Variants in SFRP1 observed in about 807,000 individuals in gnomAD.
SFRP1 encodes the protein secreted frizzled-related protein 1.
Under a neutral mutation model 25.9 loss-of-function variants are expected in SFRP1, and 9 were observed. That is an observed-to-expected ratio of 0.35 (90% CI 0.21 to 0.61). The LOEUF is 0.61. SFRP1 is among the 20% of genes least tolerant of loss of function. The pLI, the probability that SFRP1 is intolerant of heterozygous loss-of-function variation, is 0.78. For synonymous variants in SFRP1, 178 were observed against 174.0 expected, an observed-to-expected ratio of 1.02 and a Z score of -0.18; for missense variants, 346 against 418.2, an observed-to-expected ratio of 0.83 and a Z score of 1.51.
intron 2 of SFRP1, chr8:41,275,467 T>C (rs1803560567): frequency 9.6e-6 from 2 of 208,784 alleles, no homozygotes; most frequent in South Asian, 1.1e-4. Flanking sequence ...ACAAGAGAAG[T>C]AGAGGGCAAG....
intron 1 of SFRP1, among the ~76,000 whole-genome samples, chr8:41,304,613 C>T (rs1803970343): frequency 6.6e-6 from 1 of 152,180 alleles, no homozygotes; most frequent in South Asian, 2.1e-4. Context: ...TTGGAGCCCA[C>T]TGCTCTTCAT....
intron 2 of SFRP1, among the ~76,000 whole-genome samples, chr8:41,293,577 G>C (rs957183179): frequency 6.6e-5 from 10 of 152,062 alleles, no homozygotes; most frequent in Admixed American, 3.9e-4. Context: ...CTGACAGTTA[G>C]ATCCTCATCT....
At chr8:41,274,173 C>A (rs1456356313) in intron 2 of SFRP1, among the ~76,000 whole-genome samples, 1 of 152,202 alleles carries the variant, frequency 6.6e-6, no homozygotes, top group East Asian at 1.9e-4. Flanking sequence ...TCCTGTGAAC[C>A]AATGCCCCTA....
intron 2 of SFRP1, among the ~76,000 whole-genome samples, chr8:41,294,817 C>A (rs907745883): frequency 2.0e-5 from 3 of 152,042 alleles, no homozygotes; most frequent in Non-Finnish European, 2.9e-5. Flanking sequence ...ACCCCAAAAG[C>A]CCACACAGAC....
chr8:41,309,389 C>T lies in SFRP1; in HGVS notation c.-230G>A. The T allele has an allele frequency of 4.2e-6, 1 of 238,596 alleles. No homozygotes were observed. Among genetic ancestry groups the T allele is most frequent in the Non-Finnish European group, 7.3e-6 (1 of 136,696 alleles). 14.8% of individuals were successfully genotyped at this position (238,596 alleles called of 1,614,324 possible). A position where few individuals can be genotyped will look rare whatever the true frequency, so the allele number is the denominator to read the frequency against. ...GCGGCGCTGCGGGCTGGGTGCGCCC[C>T]GGCTCCCGGAGGTGCGGCGAGCAGG... On this transcript the variant is annotated 5_prime_UTR_variant, in exon 1 of 3. Transcript: ENST00000220772.
At chr8:41,286,599 T>C (rs184608563) in intron 2 of SFRP1, among the ~76,000 whole-genome samples, 69 of 152,192 alleles carry the variant, frequency 4.5e-4, no homozygotes, top group African/African-American at 1.6e-3. Context: ...TCACAGCCAC[T>C]AGAATGCTCC....
At chr8:41,279,987 A>G (rs1803614883) in intron 2 of SFRP1, among the ~76,000 whole-genome samples, 1 of 152,086 alleles carries the variant, frequency 6.6e-6, no homozygotes, top group African/African-American at 2.4e-5. Context: ...TCTAGGCTTT[A>G]TGTCAATAGC....
At chr8:41,288,663 A>T (rs1803739307) in intron 2 of SFRP1, among the ~76,000 whole-genome samples, 1 of 152,002 alleles carries the variant, frequency 6.6e-6, no homozygotes, top group South Asian at 2.1e-4. Context: ...TCATTTGGCA[A>T]ATGAGAAAAC....
At chr8:41,275,417 G>T in intron 2 of SFRP1, 1 of 237,152 alleles carries the variant, frequency 4.2e-6, no homozygotes, top group South Asian at 3.9e-5. Context: ...TCCCTAAATT[G>T]CTTTCTTTTT....
At position 41,303,466 on chromosome 8, in the gene SFRP1, T is replaced by A; in HGVS notation, c.617A>T (p.Glu206Val). 23 of 1,613,410 alleles carry A rather than the reference T, an allele frequency of 1.4e-5. No homozygotes were observed. The highest frequency in any genetic ancestry group is 1.9e-5 in the Non-Finnish European group (23 of 1,179,622). Residue 206 changes from glutamate (E) to valine (V), a missense_variant, in exon 2 of 3, where the codon GAG becomes GTG. By Grantham distance (121) the Glu-to-Val change is moderately radical (BLOSUM62 -2). Coordinates refer to ENST00000220772, the MANE Select transcript of SFRP1 (RefSeq NM_003012.5). ...EAIIEHLCAS[E>V]FALRMKIKEV... ...AGCTAGAAACGCTTTCTTACCAAAC[T>A]CGCTGGCACAGAGATGTTCAATGAT...
At chr8:41,279,119 T>C (rs1202812939) in intron 2 of SFRP1, among the ~76,000 whole-genome samples, 1 of 152,050 alleles carries the variant, frequency 6.6e-6, no homozygotes, top group Non-Finnish European at 1.5e-5. Context: ...TGTGAGCTCA[T>C]GTAGGACATG....
intron 2 of SFRP1, among the ~76,000 whole-genome samples, chr8:41,299,402 A>G (rs188483824): frequency 6.7e-6 from 1 of 150,046 alleles, no homozygotes; most frequent in Admixed American, 6.7e-5. Flanking sequence ...ACATGTATAC[A>G]TGTATATGCT....
In SFRP1 at chr8:41,295,552, C is replaced by T. The variant is rs78286145; in HGVS notation, c.622+7909G>A. Reference sequence around the variant, plus strand: ...CTCAAAAAAAAAAAAAAATTCACTACAGTACCTTCCCTGGAAAGACCTGGA... The same window carrying T: ...CTCAAAAAAAAAAAAAAATTCACTATAGTACCTTCCCTGGAAAGACCTGGA... On this transcript the variant is annotated intron_variant, in intron 2 of 2. Transcript: ENST00000220772. Among the ~76,000 whole-genome samples the T allele has an allele frequency of 2.4e-3, 357 of 151,194 alleles. 6 individuals are homozygous for T. Among genetic ancestry groups the T allele is most frequent in the African/African-American group, 8.2e-3 (336 of 41,122 alleles).
At position 41,265,153 on chromosome 8, in the gene SFRP1, T is replaced by TCCCCCCCC; in HGVS notation, c.*13_*14insGGGGGGGG. 3.5e-5 allele frequency: 4 copies of TCCCCCCCC among 115,374 alleles called. No individual in the cohort carries two copies. The highest frequency in any genetic ancestry group is 3.2e-5 in the Non-Finnish European group (2 of 63,230). 7.1% of individuals were successfully genotyped at this position (115,374 alleles called of 1,614,324 possible). A position where few individuals can be genotyped will look rare whatever the true frequency, so the allele number is the denominator to read the frequency against. The stretch of plus-strand genomic sequence containing the variant: ...CCCACCCGAGGCTCCCTCCCCACCC[T>TCCCCCCCC]GCCCCCGGGAGAATCACTTAAACAC... On this transcript the variant is annotated 3_prime_UTR_variant, in exon 3 of 3. Transcript: ENST00000220772.
intron 2 of SFRP1, among the ~76,000 whole-genome samples, chr8:41,285,372 C>T (rs1385449017): frequency 2.0e-5 from 3 of 152,268 alleles, no homozygotes; most frequent in African/African-American, 7.2e-5. Context: ...AAGGGTGATG[C>T]CCCAGCCCCT....
At chr8:41,284,256 C>T (rs375749083) in intron 2 of SFRP1, among the ~76,000 whole-genome samples, 25 of 152,024 alleles carry the variant, frequency 1.6e-4, no homozygotes, top group Admixed American at 7.9e-4. Context: ...ATTATGGAAA[C>T]CGGCCACACT....
intron 2 of SFRP1, among the ~76,000 whole-genome samples, chr8:41,302,393 A>G (rs1199529255): frequency 6.6e-6 from 1 of 152,236 alleles, no homozygotes; most frequent in Non-Finnish European, 1.5e-5. Flanking sequence ...TTGACAGGGC[A>G]GGAACAAGAC....
chr8:41,300,189 G>T (rs774195076), intron 2 of SFRP1, among the ~76,000 whole-genome samples: 1 of 152,192 alleles, frequency 6.6e-6, no homozygotes. Context: ...GGAGGTGCGG[G>T]AAACTGAAAA....
In SFRP1 at chr8:41,302,855, G is replaced by C. The variant is rs575020732; in HGVS notation, c.622+606C>G. Among the ~76,000 whole-genome samples, 8 of 150,874 alleles carry C rather than the reference G, an allele frequency of 5.3e-5. No individual in the cohort carries two copies. In the South Asian group the frequency reaches 1.7e-3, roughly 32 times the overall value. ...GAGTGCTGGTTCAGAATTCTCTTTC[G>C]ATGGAGAGTGACTTGGGAAGAAGAG... On this transcript the variant is annotated intron_variant, in intron 2 of 2. Coordinates refer to ENST00000220772, the MANE Select transcript of SFRP1 (RefSeq NM_003012.5).
Sources: allele counts gnomAD v4.1 joint callset (sites outside exome capture counted in the v4.1 genomes callset), GRCh38; gene constraint gnomAD v4.1.1; transcripts MANE v1.5; gene names NCBI Gene and HGNC (gene_info 2026-07-23, HGNC 2026-07-21).